RCL1: variants seen among roughly 807,000 people sequenced by gnomAD.
RCL1 encodes RNA terminal phosphate cyclase like 1.
RCL1 carries 24 observed loss-of-function variants against 42.4 expected under a neutral mutation model. That is an observed-to-expected ratio of 0.57 (90% CI 0.41 to 0.80). The LOEUF (loss-of-function observed/expected upper bound fraction) is 0.80. RCL1 is among the 30% of genes least tolerant of loss of function. The pLI, the probability that RCL1 is intolerant of heterozygous loss-of-function variation, is 0.00. For synonymous variants in RCL1, 228 were observed against 177.3 expected (o/e 1.29, Z -2.27); for missense variants, 578 against 467.9 (o/e 1.24, Z -2.17).
chr9:4,817,533 G>C (rs1044355056), intron 1 of RCL1, among the ~76,000 whole-genome samples: 1 of 150,904 alleles, frequency 6.6e-6, no homozygotes, highest in African/African-American at 2.4e-5. Context: ...CAGTGCAGTG[G>C]CTCCATCATG....
In RCL1 at chr9:4,820,205, G is replaced by C. The variant is rs149162283; in HGVS notation, c.137-3343G>C. Among the ~76,000 whole-genome samples, 646 of 152,300 alleles carry C rather than the reference G, an allele frequency of 4.2e-3. 4 individuals carry two copies. The highest frequency in any genetic ancestry group is 7.4e-3 in the Non-Finnish European group (501 of 68,024). On this transcript the variant is annotated intron_variant, in intron 1 of 8. Transcript: ENST00000381750. ...GATACCTGAAATCTTGTAGCCCCAGGAGCAGTCTTGAAGAAGAGGAGTCAG... is the reference window on the plus strand; with the variant it reads ...GATACCTGAAATCTTGTAGCCCCAGCAGCAGTCTTGAAGAAGAGGAGTCAG...
At chr9:4,825,834 C>G (rs1469660666) in intron 2 of RCL1, among the ~76,000 whole-genome samples, 2 of 151,636 alleles carry the variant, frequency 1.3e-5, no homozygotes, top group East Asian at 1.9e-4. Flanking sequence ...TTTGGATAGC[C>G]AGGCACAAGG....
chr9:4,850,930 T>C (rs1817724215), intron 8 of RCL1, among the ~76,000 whole-genome samples: 1 of 151,950 alleles, frequency 6.6e-6, no homozygotes, highest in Non-Finnish European at 1.5e-5. Context: ...CGGTATGAGG[T>C]ATGGGGTGTT....
chr9:4,794,033 T>C (rs1256348114), intron 1 of RCL1, among the ~76,000 whole-genome samples: 1 of 152,168 alleles, frequency 6.6e-6, no homozygotes, highest in African/African-American at 2.4e-5. Flanking sequence ...CCCCCTGGCA[T>C]GAGATACATG....
intron 1 of RCL1, among the ~76,000 whole-genome samples, chr9:4,794,548 A>C (rs1842883825): frequency 6.6e-6 from 1 of 152,088 alleles, no homozygotes; most frequent in Non-Finnish European, 1.5e-5. Flanking sequence ...CCAGCTCTCC[A>C]TCCACTTTAC....
At chr9:4,838,076 T>C (rs1363965551) in intron 5 of RCL1, among the ~76,000 whole-genome samples, 1 of 152,230 alleles carries the variant, frequency 6.6e-6, no homozygotes, top group African/African-American at 2.4e-5. Flanking sequence ...AAAAAAGAGC[T>C]GCCTTTGGAA....
chr9:4,833,016 G>A (rs570129487), intron 3 of RCL1, 138 bp from the exon 4 acceptor site: 13 of 620,052 alleles, frequency 2.1e-5, no homozygotes, highest in Non-Finnish European at 3.3e-5. Context: ...CAGCCCACTC[G>A]CTCAGTTATA....
Position 4,851,105 on chromosome 9 carries a change from C to T in RCL1, c.971+1555C>T, listed in dbSNP as rs542215599. 4.9e-4 allele frequency among the ~76,000 whole-genome samples: 74 copies of T among 152,226 alleles called. 3 individuals carry two copies. In the South Asian group the frequency reaches 0.014, roughly 29 times the overall value. ...TGTTTTCAAGCTTTGCAGAGATGCT[C>T]AAGATATGACTGGACATTTTTGAAA... is the stretch of plus-strand genomic sequence containing the variant. On this transcript the variant is annotated intron_variant, in intron 8 of 8. Coordinates refer to ENST00000381750, the MANE Select transcript of RCL1 (RefSeq NM_005772.5).
chr9:4,846,920 C>A (rs1334815932), intron 7 of RCL1, among the ~76,000 whole-genome samples: 1 of 67,232 alleles, frequency 1.5e-5, no homozygotes, highest in African/African-American at 6.1e-5. Context: ...AAGAGTCTCA[C>A]TCTTTCCCAG....
intron 5 of RCL1, among the ~76,000 whole-genome samples, chr9:4,840,869 G>C (rs1817293601): frequency 6.6e-6 from 1 of 152,142 alleles, no homozygotes; most frequent in African/African-American, 2.4e-5. Flanking sequence ...AGTGTTCTTA[G>C]GTGTTGTGCT....
intron 1 of RCL1, among the ~76,000 whole-genome samples, chr9:4,817,436 A>G (rs1816420585): frequency 6.8e-6 from 1 of 147,738 alleles, no homozygotes; most frequent in South Asian, 2.1e-4. Context: ...TTTATGTTGT[A>G]TGTTCTCAGT....
At chr9:4,831,327 A>AGG (rs1468467099) in intron 3 of RCL1, among the ~76,000 whole-genome samples, 1,775 of 152,248 alleles carry the variant, frequency 0.012, 37 homozygotes, top group African/African-American at 0.041. Context: ...TTCCCTCGAG[A>AGG]GAGCCGGTGG....
chr9:4,803,475 G>T (rs75311600), intron 1 of RCL1, among the ~76,000 whole-genome samples: 1,794 of 152,214 alleles, frequency 0.012, 29 homozygotes, highest in African/African-American at 0.042. Flanking sequence ...GGGATTTCAT[G>T]TATACCCTTA....
In RCL1 at chr9:4,825,043, C is replaced by T. The variant is rs1321842679; in HGVS notation, c.208+1424C>T. ...TCTCCTGCCTTAGCCTCCCCAGTAG[C>T]TGGGATTACAGTTGCCTGCTGCCAT... is the stretch of plus-strand genomic sequence containing the variant. On this transcript the variant is annotated intron_variant, in intron 2 of 8. Coordinates refer to ENST00000381750, the MANE Select transcript of RCL1 (RefSeq NM_005772.5). Among the ~76,000 whole-genome samples the T allele has an allele frequency of 2.0e-5, 3 of 151,714 alleles. No individual in the cohort carries two copies. The East Asian group carries it at 5.8e-4, about 29-fold the overall frequency.
intron 1 of RCL1, chr9:4,804,499 G>A (rs1268745113): frequency 1.3e-5 from 2 of 152,400 alleles, no homozygotes; most frequent in Admixed American, 6.5e-5. Context: ...GCCGGCTGCG[G>A]TGGAACTTAC....
At chr9:4,811,340 T>C (rs1175074338) in intron 1 of RCL1, among the ~76,000 whole-genome samples, 1 of 152,098 alleles carries the variant, frequency 6.6e-6, no homozygotes, top group Non-Finnish European at 1.5e-5. Context: ...ATGGTCACTC[T>C]ATAGTGCTAT....
At position 4,826,989 on chromosome 9, in the gene RCL1, A is replaced by C; in HGVS notation, c.340A>C (p.Lys114Gln). 2 of 1,614,162 alleles carry C rather than the reference A, an allele frequency of 1.2e-6. No individual in the cohort carries two copies. Among genetic ancestry groups the C allele is most frequent in the Middle Eastern group, 1.6e-4 (1 of 6,062 alleles). ...CLAPFMKHPLKIVLRGVTNDQ... is the reference protein window; with the variant it reads ...CLAPFMKHPLQIVLRGVTNDQ... ...GGCTCCATTTATGAAGCACCCGTTA[A>C]AAATAGTTCTACGAGGAGTGACCAA... The change falls in exon 3 of 9, where the codon AAA becomes CAA. Residue 114 changes from lysine to glutamine, a missense_variant. Physicochemically the swap from Lys to Gln is moderately conservative, Grantham distance 53. Transcript: ENST00000381750.
At chr9:4,860,007 G>T (rs1818108631) in intron 8 of RCL1, 118 bp from the exon 9 acceptor site, 3 of 635,332 alleles carry the variant, frequency 4.7e-6, no homozygotes, top group African/African-American at 3.7e-5. Context: ...CGATGAGAAG[G>T]TCTTAACTTC....
In RCL1 at chr9:4,836,943, G is replaced by A. The variant is rs374084983; in HGVS notation, c.584+2678G>A. Among the ~76,000 whole-genome samples, 5 of 152,102 alleles carry A rather than the reference G, an allele frequency of 3.3e-5. No homozygotes were observed. The East Asian group carries it at 5.8e-4, about 18-fold the overall frequency. The stretch of plus-strand genomic sequence containing the variant: ...GTTATGGTCTGTTCTCTGCATGGCT[G>A]TCCCCCAGCCCATGTAAGCGCCCAG... On this transcript the variant is annotated intron_variant, in intron 5 of 8. Coordinates refer to ENST00000381750, the MANE Select transcript of RCL1 (RefSeq NM_005772.5).
Sources: gnomAD v4.1 joint callset for allele counts (sites outside exome capture counted in the v4.1 genomes callset) on GRCh38, gnomAD v4.1.1 for gene constraint, MANE v1.5 for transcripts, NCBI Gene and HGNC (gene_info 2026-07-23, HGNC 2026-07-21) for gene names.